CDH8: variants seen among roughly 807,000 people sequenced by gnomAD.
The protein encoded by CDH8 is cadherin 8, also known as cadherin-8.
CDH8 carries 17 observed loss-of-function variants against 68.1 expected under a neutral mutation model. The ratio of observed to expected loss-of-function variants is 0.25; its 90% CI spans 0.17 to 0.37. CDH8 has a LOEUF of 0.37. Ranked by LOEUF, CDH8 falls within the 10% of genes least tolerant of loss-of-function variation. The probability of loss-of-function intolerance (pLI) is 1.00; values close to 1 mark genes in which losing one functional copy is unlikely to be tolerated. For missense variants in CDH8, 763 were observed against 999.3 expected (o/e 0.76, Z 3.19); for synonymous variants, 372 against 365.1 (o/e 1.02, Z -0.21).
intron 2 of CDH8, among the ~76,000 whole-genome samples, chr16:61,949,305 A>G (rs1292124564): frequency 4.6e-5 from 7 of 152,012 alleles, no homozygotes; most frequent in Non-Finnish European, 7.4e-5. Flanking sequence ...ACCAATCAGC[A>G]CTCTGTGCTA....
chr16:61,932,812 C>T (rs969565707), intron 2 of CDH8, among the ~76,000 whole-genome samples: 1 of 152,170 alleles, frequency 6.6e-6, no homozygotes, highest in African/African-American at 2.4e-5. Context: ...TAGCCTAGTA[C>T]TCTAAACTTT....
chr16:62,011,063 A>G (rs897051687), intron 2 of CDH8, among the ~76,000 whole-genome samples: 2 of 151,860 alleles, frequency 1.3e-5, no homozygotes, highest in South Asian at 4.2e-4. Flanking sequence ...TATGCAACCC[A>G]GCTGGGTTAT....
rs1959245331 is a variant in CDH8 at position 61,723,181 on chromosome 16, C to T, written c.1536+3913G>A. Among the ~76,000 whole-genome samples, 2 of 150,578 alleles carry T rather than the reference C, an allele frequency of 1.3e-5. 1 individual carries two copies. Among genetic ancestry groups the T allele is most frequent in the Non-Finnish European group, 3.0e-5 (2 of 67,038 alleles). On this transcript the variant is annotated intron_variant, in intron 9 of 11. Transcript: ENST00000577390. ...AGAGGTTAATATCTGAAATAAAGTC[C>T]AAGAAAGATCCTACTAAGGAGGTAA...
At chr16:61,889,918 A>G (rs879825342) in intron 3 of CDH8, among the ~76,000 whole-genome samples, 3 of 152,190 alleles carry the variant, frequency 2.0e-5, no homozygotes, top group Non-Finnish European at 2.9e-5. Context: ...CCTGTAATAC[A>G]AAGTTTTTCC....
intron 1 of CDH8, 29 bp from the exon 2 acceptor site, chr16:62,021,631 G>A: frequency 8.0e-7 from 1 of 1,244,396 alleles, no homozygotes; most frequent in African/African-American, 1.5e-5. Context: ...AGAAAGATAA[G>A]GGTCTACTCA....
chr16:61,863,880 A>G (rs1963201718), intron 3 of CDH8, among the ~76,000 whole-genome samples: 1 of 152,176 alleles, frequency 6.6e-6, no homozygotes, highest in Non-Finnish European at 1.5e-5. Flanking sequence ...TCTTACTTAA[A>G]CATTCATGCA....
chr16:61,846,484 C>T (rs1326477142), intron 4 of CDH8, among the ~76,000 whole-genome samples: 1 of 152,002 alleles, frequency 6.6e-6, no homozygotes, highest in Non-Finnish European at 1.5e-5. Context: ...AAAAATTAAT[C>T]TAAATGAGAG....
intron 9 of CDH8, among the ~76,000 whole-genome samples, chr16:61,722,400 A>C (rs1157359890): frequency 2.7e-5 from 4 of 150,770 alleles, no homozygotes; most frequent in Admixed American, 6.6e-5. Context: ...CAGTTTTCAA[A>C]ATTTTAAATT....
chr16:61,699,916 C>A (rs975820022), intron 10 of CDH8, among the ~76,000 whole-genome samples: 2 of 152,154 alleles, frequency 1.3e-5, no homozygotes, highest in Non-Finnish European at 2.9e-5. Flanking sequence ...TGTTCTTGTT[C>A]TCTGCTTCTT....
intron 3 of CDH8, among the ~76,000 whole-genome samples, chr16:61,893,500 C>T (rs945217753): frequency 6.6e-6 from 1 of 151,842 alleles, no homozygotes; most frequent in Non-Finnish European, 1.5e-5. Flanking sequence ...CTTGGGAACA[C>T]TGACATCCTA....
intron 2 of CDH8, among the ~76,000 whole-genome samples, chr16:61,948,322 GGAA>G (rs1199978867): frequency 6.6e-6 from 1 of 152,068 alleles, no homozygotes; most frequent in Non-Finnish European, 1.5e-5. Context: ...TCATGAAGTT[GGAA>G]GAAGTTGAGA....
At chr16:61,847,838 TATCA>T (rs1389647132) in intron 4 of CDH8, among the ~76,000 whole-genome samples, 3 of 151,712 alleles carry the variant, frequency 2.0e-5, no homozygotes, top group Non-Finnish European at 4.4e-5. Flanking sequence ...TGTCTATATC[TATCA>T]ATCAATCTGT....
intron 3 of CDH8, among the ~76,000 whole-genome samples, chr16:61,862,073 G>A (rs979353944): frequency 4.6e-5 from 7 of 151,254 alleles, no homozygotes; most frequent in Non-Finnish European, 7.4e-5. Flanking sequence ...ATATCCACAC[G>A]CTTAGAAAGA....
At chr16:61,687,258 A>C (rs1964127843) in intron 10 of CDH8, among the ~76,000 whole-genome samples, 1 of 151,994 alleles carries the variant, frequency 6.6e-6, no homozygotes, top group African/African-American at 2.4e-5. Flanking sequence ...TAAGCCAAAA[A>C]AAAATCGGTC....
At chr16:61,847,925 T>G (rs996861522) in intron 4 of CDH8, among the ~76,000 whole-genome samples, 2 of 151,032 alleles carry the variant, frequency 1.3e-5, no homozygotes, top group Non-Finnish European at 3.0e-5. Context: ...ACACACACAC[T>G]TTTTTATTGT....
chr16:61,755,168 T>C (rs956146642), intron 8 of CDH8, among the ~76,000 whole-genome samples: 3 of 152,196 alleles, frequency 2.0e-5, no homozygotes, highest in Admixed American at 2.0e-4. Context: ...AATATGGGCC[T>C]CAGGTAAATT....
chr16:61,742,242 A>C (rs748895526), intron 8 of CDH8, among the ~76,000 whole-genome samples: 21 of 152,208 alleles, frequency 1.4e-4, no homozygotes, highest in Non-Finnish European at 2.5e-4. Flanking sequence ...ACTATTTATA[A>C]TAGTTTATAG....
intron 2 of CDH8, among the ~76,000 whole-genome samples, chr16:61,997,584 T>C (rs529608661): frequency 3.4e-4 from 51 of 152,182 alleles, no homozygotes; most frequent in Non-Finnish European, 6.3e-4. Context: ...TGTCAGAAAG[T>C]ATCTCCCCAC....
chr16:61,910,685 A>G (rs1011388575), intron 2 of CDH8, among the ~76,000 whole-genome samples: 4 of 152,142 alleles, frequency 2.6e-5, no homozygotes, highest in Non-Finnish European at 5.9e-5. Flanking sequence ...TGTCCCAGAA[A>G]CTATGATATT....
Sources: gnomAD v4.1 joint callset for allele counts (sites outside exome capture counted in the v4.1 genomes callset) on GRCh38, gnomAD v4.1.1 for gene constraint, MANE v1.5 for transcripts, NCBI Gene and HGNC (gene_info 2026-07-23, HGNC 2026-07-21) for gene names.